TMEM163: variants seen among roughly 807,000 people sequenced by gnomAD.
TMEM163 encodes transmembrane protein 163.
A neutral mutation model predicts 29.3 loss-of-function variants in TMEM163; 17 were observed. The ratio of observed to expected loss-of-function variants is 0.58; its 90% confidence interval spans 0.40 to 0.87. TMEM163 has a LOEUF of 0.87. TMEM163 is among the 40% of genes least tolerant of loss of function. The pLI is 0.00. For missense variants in TMEM163, 303 were observed against 381.5 expected (o/e 0.79, Z 1.71); for synonymous variants, 157 against 160.6 (o/e 0.98, Z 0.17).
chr2:134,551,863 C>T (rs1305122609), intron 3 of TMEM163, among the ~76,000 whole-genome samples, 185 bp downstream of exon 3: 2 of 152,226 alleles, frequency 1.3e-5, no homozygotes, highest in African/African-American at 2.4e-5. Flanking sequence ...GAGAATTACA[C>T]AGTCCTCATT....
intron 2 of TMEM163, among the ~76,000 whole-genome samples, chr2:134,556,004 T>G (rs1410201326): frequency 6.6e-6 from 1 of 152,158 alleles, no homozygotes; most frequent in African/African-American, 2.4e-5. Flanking sequence ...CTGTGCCAAG[T>G]TTTTTGCTGA....
At chr2:134,678,371 C>T (rs1326179150) in intron 2 of TMEM163, among the ~76,000 whole-genome samples, 1 of 152,236 alleles carries the variant, frequency 6.6e-6, no homozygotes, top group African/African-American at 2.4e-5. Context: ...CCCGTGGAAA[C>T]ACGTGAATCT....
At chr2:134,534,707 T>G (rs1680493237) in intron 4 of TMEM163, among the ~76,000 whole-genome samples, 2 of 151,918 alleles carry the variant, frequency 1.3e-5, no homozygotes, top group Admixed American at 1.3e-4. Context: ...TGAACCGAGA[T>G]CGCACCTCTG....
intron 5 of TMEM163, among the ~76,000 whole-genome samples, chr2:134,493,360 G>GTTTTTTTT (rs1484513661): frequency 1.5e-5 from 1 of 65,590 alleles, no homozygotes; most frequent in African/African-American, 8.8e-5. Flanking sequence ...AGCTTTTGGT[G>GTTTTTTTT]TCTTTTTTTT....
At chr2:134,555,432 A>G (rs1681029367) in intron 2 of TMEM163, among the ~76,000 whole-genome samples, 1 of 152,202 alleles carries the variant, frequency 6.6e-6, no homozygotes, top group Admixed American at 6.5e-5. Context: ...AGTGTAGTGG[A>G]AAGCCACCAC....
At chr2:134,501,670 GGA>G (rs1289081913) in intron 5 of TMEM163, among the ~76,000 whole-genome samples, 1 of 152,198 alleles carries the variant, frequency 6.6e-6, no homozygotes, top group African/African-American at 2.4e-5. Context: ...CAAGTCTGAT[GGA>G]GGAGGAGGAC....
chr2:134,599,472 T>C (rs1414062824), intron 2 of TMEM163, among the ~76,000 whole-genome samples: 1 of 151,904 alleles, frequency 6.6e-6, no homozygotes, highest in African/African-American at 2.4e-5. Flanking sequence ...CATGGGAGGA[T>C]ACAATGAGAA....
chr2:134,535,154 G>C, intron 4 of TMEM163, among the ~76,000 whole-genome samples: 1 of 152,182 alleles, frequency 6.6e-6, no homozygotes, highest in Non-Finnish European at 1.5e-5. Context: ...AGTCACCTTG[G>C]AAGAGGAGGA....
At chr2:134,529,184 A>G (rs1269608485) in intron 4 of TMEM163, among the ~76,000 whole-genome samples, 6 of 151,828 alleles carry the variant, frequency 4.0e-5, no homozygotes, top group African/African-American at 1.5e-4. Flanking sequence ...TAAAAAAATT[A>G]GCTGCGCCTG....
At chr2:134,593,528 A>T (rs1681986803) in intron 2 of TMEM163, among the ~76,000 whole-genome samples, 2 of 152,118 alleles carry the variant, frequency 1.3e-5, no homozygotes. Context: ...TTTGATTTGG[A>T]GGAGATGGCC....
chr2:134,502,818 C>T, intron 5 of TMEM163, 83 bp downstream of exon 5: 1 of 1,217,482 alleles, frequency 8.2e-7, no homozygotes, highest in South Asian at 1.4e-5. Flanking sequence ...ATGCCCGACT[C>T]CACCCGGGAA....
intron 2 of TMEM163, among the ~76,000 whole-genome samples, chr2:134,588,681 G>GGT (rs934447777): frequency 3.9e-5 from 6 of 152,140 alleles, no homozygotes; most frequent in Non-Finnish European, 8.8e-5. Flanking sequence ...ACTAATAGGA[G>GGT]GTATGCATGG....
At chr2:134,661,666 A>G (rs1005786372) in intron 2 of TMEM163, among the ~76,000 whole-genome samples, 3 of 152,212 alleles carry the variant, frequency 2.0e-5, no homozygotes, top group Admixed American at 6.5e-5. Context: ...TACATAGTCC[A>G]TTTAAATTCT....
intron 5 of TMEM163, among the ~76,000 whole-genome samples, chr2:134,493,360 G>GTTT (rs1484513661): frequency 7.6e-4 from 50 of 65,544 alleles, no homozygotes; most frequent in African/African-American, 2.7e-3. Flanking sequence ...AGCTTTTGGT[G>GTTT]TCTTTTTTTT....
chr2:134,523,740 C>T (rs760794512), intron 4 of TMEM163, among the ~76,000 whole-genome samples: 11 of 152,134 alleles, frequency 7.2e-5, no homozygotes, highest in Admixed American at 2.0e-4. Context: ...AACAGAGAAA[C>T]GGGAAGTGGG....
intron 2 of TMEM163, among the ~76,000 whole-genome samples, chr2:134,658,399 G>A (rs936591247): frequency 6.6e-5 from 10 of 152,158 alleles, no homozygotes; most frequent in Admixed American, 2.6e-4. Flanking sequence ...CCAGCACTAC[G>A]TAGAAAGGCG....
At position 134,638,093 on chromosome 2, in the gene TMEM163, T is replaced by C. The variant is rs184068391; in HGVS notation, c.322+75107A>G. Among the ~76,000 whole-genome samples, 285 of 152,366 alleles carry C rather than the reference T, an allele frequency of 1.9e-3. 1 individual carries two copies. Among genetic ancestry groups the C allele is most frequent in the Non-Finnish European group, 3.0e-3 (207 of 68,030 alleles). ...ACACAAATAGAGACGTATTAATATA[T>C]ACATTGTTTTGCCTCTCACCTTTTT... On this transcript the variant is annotated intron_variant, in intron 2 of 7. Coordinates refer to ENST00000281924, the MANE Select transcript of TMEM163 (RefSeq NM_030923.5).
rs1686508185 is a variant in TMEM163 at position 134,460,394 on chromosome 2, C to A, written c.668-2221G>T. 6.6e-6 allele frequency among the ~76,000 whole-genome samples: 1 copy of A among 152,148 alleles called. No homozygotes were observed. Among genetic ancestry groups the A allele is most frequent in the South Asian group, 2.1e-4 (1 of 4,826 alleles). On this transcript the variant is annotated intron_variant, in intron 6 of 7. Coordinates refer to ENST00000281924, the MANE Select transcript of TMEM163 (RefSeq NM_030923.5). This position sits in a 1 kb window ranked among gnomAD's most constrained non-coding sequence, Gnocchi z 4.3. ...CCCTCCACCCACCACTCCCTCCTGC[C>A]TCCAGCTAACAGGCGAGCTTTGCCA... is the stretch of plus-strand genomic sequence containing the variant.
chr2:134,505,358 T>C (rs1188612723), intron 4 of TMEM163, among the ~76,000 whole-genome samples: 1 of 151,808 alleles, frequency 6.6e-6, no homozygotes, highest in Non-Finnish European at 1.5e-5. Context: ...AGGCAATTCT[T>C]GTGTACACAG....
Sources: gnomAD v4.1 joint callset for allele counts (sites outside exome capture counted in the v4.1 genomes callset) on GRCh38, gnomAD v4.1.1 for gene constraint, Gnocchi (gnomAD v3.1) non-coding constraint, MANE v1.5 for transcripts, NCBI Gene and HGNC (gene_info 2026-07-23, HGNC 2026-07-21) for gene names.